Variants in PTPRD observed in about 807,000 individuals in gnomAD.
PTPRD encodes the protein protein tyrosine phosphatase receptor type D.
A neutral mutation model predicts 214.5 loss-of-function variants in PTPRD; 34 were observed. The ratio of observed to expected loss-of-function variants is 0.16; its 90% CI spans 0.12 to 0.21. The LOEUF is 0.21. PTPRD is among the 10% of genes least tolerant of loss of function. The pLI is 1.00. For synonymous variants in PTPRD, 1,128 were observed against 845.7 expected, an observed-to-expected ratio of 1.33 and a Z score of -5.79; for missense variants, 2,545 against 2,398.7, an observed-to-expected ratio of 1.06 and a Z score of -1.27.
chr9:8,713,193 C>G, intron 12 of PTPRD: 1 of 571,224 alleles, frequency 1.8e-6, no homozygotes, highest in Non-Finnish European at 3.1e-6. Context: ...ATTTCAGGGT[C>G]AAACATTTGA....
chr9:8,317,773 T>C lies in PTPRD; in HGVS notation c.*101A>G. ...ATAGTCCCACTAAGTAGTTGTTAGC[T>C]AGAAGTTAAGAAGGACTTCTCAAGT... On this transcript the variant is annotated 3_prime_UTR_variant, in exon 46 of 46. Transcript: ENST00000381196. 2 of 991,482 alleles carry C rather than the reference T, an allele frequency of 2.0e-6. No homozygotes were observed. The highest frequency in any genetic ancestry group is 2.8e-5 in the South Asian group (2 of 71,094). 61.4% of individuals were successfully genotyped at this position (991,482 alleles called of 1,614,324 possible).
intron 7 of PTPRD, among the ~76,000 whole-genome samples, chr9:9,727,334 C>A (rs2098113551): frequency 6.6e-6 from 1 of 151,920 alleles, no homozygotes; most frequent in Non-Finnish European, 1.5e-5. Context: ...GCCTATAATC[C>A]CAGCTACTCA....
intron 8 of PTPRD, among the ~76,000 whole-genome samples, chr9:9,453,508 G>A (rs2145421746): frequency 6.6e-6 from 1 of 151,658 alleles, no homozygotes; most frequent in Non-Finnish European, 1.5e-5. Context: ...ATATTCAGAA[G>A]ATTCAAGGTT....
chr9:9,575,548 G>A (rs979826262), intron 7 of PTPRD, among the ~76,000 whole-genome samples: 1 of 151,116 alleles, frequency 6.6e-6, no homozygotes, highest in Admixed American at 6.6e-5. Flanking sequence ...GTGAAACCCT[G>A]TCTCTACTAA....
intron 11 of PTPRD, among the ~76,000 whole-genome samples, chr9:8,801,671 GC>G (rs2154518797): frequency 6.6e-6 from 1 of 152,264 alleles, no homozygotes; most frequent in Non-Finnish European, 1.5e-5. Flanking sequence ...GGCAGAGATG[GC>G]CTCACTGCAC....
At chr9:9,587,613 G>T (rs191461291) in intron 7 of PTPRD, among the ~76,000 whole-genome samples, 3 of 151,940 alleles carry the variant, frequency 2.0e-5, no homozygotes, top group Admixed American at 1.3e-4. Flanking sequence ...CATCATAAAG[G>T]CTGGGGGTCT....
At chr9:8,360,233 C>A (rs2078135602) in intron 39 of PTPRD, among the ~76,000 whole-genome samples, 1 of 152,118 alleles carries the variant, frequency 6.6e-6, no homozygotes, top group African/African-American at 2.4e-5. Flanking sequence ...AAGGGTGACA[C>A]AACTGCAGGT....
intron 3 of PTPRD, among the ~76,000 whole-genome samples, chr9:10,236,863 A>G (rs2099630675): frequency 6.6e-6 from 1 of 151,938 alleles, no homozygotes. Context: ...ATTTTTGTTT[A>G]TAACTGACCA....
Position 10,264,019 on chromosome 9 carries a change from G to C in PTPRD, c.-545+76944C>G, listed in dbSNP as rs555164285. ...GCCCCAAGGCTTGGCAGCTTCCACA[G>C]GGTGCTGAGCCTGCGAGTGCACAGA... On this transcript the variant is annotated intron_variant, in intron 3 of 45. Coordinates refer to ENST00000381196, the MANE Select transcript of PTPRD (RefSeq NM_002839.4). Among the ~76,000 whole-genome samples, 122 of 152,320 alleles carry C rather than the reference G, an allele frequency of 8.0e-4. 1 individual carries two copies. Among genetic ancestry groups the C allele is most frequent in the Middle Eastern group, 6.8e-3 (2 of 294 alleles).
intron 9 of PTPRD, among the ~76,000 whole-genome samples, chr9:9,283,169 C>T (rs1299875473): frequency 1.3e-5 from 2 of 151,388 alleles, no homozygotes; most frequent in Non-Finnish European, 3.0e-5. Flanking sequence ...TGAAATAAGA[C>T]AGGATGGCTT....
chr9:9,381,253 G>C (rs1425538000), intron 9 of PTPRD, among the ~76,000 whole-genome samples: 1 of 151,028 alleles, frequency 6.6e-6, no homozygotes, highest in African/African-American at 2.4e-5. Context: ...TCTTGTCCAA[G>C]TTCTTTGTTC....
At chr9:8,762,986 A>C (rs73423020) in intron 11 of PTPRD, among the ~76,000 whole-genome samples, 6,684 of 152,180 alleles carry the variant, frequency 0.044, 360 homozygotes, top group African/African-American at 0.13. Flanking sequence ...TCTTCAGGCT[A>C]TCCAATGAGT....
chr9:9,569,551 TC>T (rs1423368202), intron 8 of PTPRD, among the ~76,000 whole-genome samples: 1 of 151,258 alleles, frequency 6.6e-6, no homozygotes, highest in East Asian at 1.9e-4. Context: ...GTTCTAAAGC[TC>T]TTTTTTTTTC....
In PTPRD at chr9:8,321,487, G is replaced by GTATATATATATA. The variant is rs750825729; in HGVS notation, c.5535-1533_5535-1522dup. The stretch of plus-strand genomic sequence containing the variant: ...TGTGTGTGTGTGTGTGTGTGTGTGT[G>GTATATATATATA]TATATATATATATATATATATATAT... On this transcript the variant is annotated intron_variant, in intron 44 of 45. Coordinates refer to ENST00000381196, the MANE Select transcript of PTPRD (RefSeq NM_002839.4). Among the ~76,000 whole-genome samples, 376 of 44,398 alleles carry GTATATATATATA rather than the reference G, an allele frequency of 8.5e-3. 4 individuals are homozygous for GTATATATATATA. The highest frequency in any genetic ancestry group is 0.012 in the Non-Finnish European group (307 of 25,766). 29.1% of individuals were successfully genotyped at this position (44,398 alleles called of 152,430 possible). A position where few individuals can be genotyped will look rare whatever the true frequency, so the allele number is the denominator to read the frequency against.
At chr9:10,192,445 GAAAAAAAAA>G (rs552289562) in intron 3 of PTPRD, among the ~76,000 whole-genome samples, 3 of 72,646 alleles carry the variant, frequency 4.1e-5, no homozygotes, top group African/African-American at 1.7e-4. Context: ...CACGATCCAG[GAAAAAAAAA>G]AAAAAAAAAA....
chr9:8,547,224 T>C (rs1335145119), intron 14 of PTPRD, among the ~76,000 whole-genome samples: 1 of 152,162 alleles, frequency 6.6e-6, no homozygotes, highest in African/African-American at 2.4e-5. Flanking sequence ...TGAGAAATGT[T>C]AAAGTCACCC....
At chr9:10,151,995 T>C (rs13299401) in intron 3 of PTPRD, among the ~76,000 whole-genome samples, 32,643 of 152,156 alleles carry the variant, frequency 0.21, 3,724 homozygotes, top group Admixed American at 0.31. Context: ...TTGAAGCTGC[T>C]ATAAACACCT....
intron 3 of PTPRD, among the ~76,000 whole-genome samples, chr9:10,275,487 A>G (rs2094628036): frequency 6.6e-6 from 1 of 152,166 alleles, no homozygotes; most frequent in African/African-American, 2.4e-5. Flanking sequence ...AGATTAAATC[A>G]TACTACCTAC....
chr9:9,591,799 T>C (rs532859000), intron 7 of PTPRD, among the ~76,000 whole-genome samples: 2 of 152,216 alleles, frequency 1.3e-5, no homozygotes, highest in South Asian at 2.1e-4. Flanking sequence ...CAAATACTTA[T>C]CATTTCTTTG....
Sources: allele counts gnomAD v4.1 joint callset (sites outside exome capture counted in the v4.1 genomes callset), GRCh38; gene constraint gnomAD v4.1.1; transcripts MANE v1.5; gene names NCBI Gene and HGNC (gene_info 2026-07-23, HGNC 2026-07-21).